Variants in DENND1B observed in about 807,000 individuals in gnomAD.
DENND1B encodes the protein DENN domain-containing protein 1B.
DENND1B carries 59 observed loss-of-function variants against 90.1 expected under a neutral mutation model. The observed-to-expected ratio is 0.65, with a 90% CI of 0.53 to 0.81. The LOEUF (loss-of-function observed/expected upper bound fraction) is 0.81. DENND1B is among the 40% of genes least tolerant of loss of function. The pLI is 0.00. For missense variants in DENND1B, 862 were observed against 912.6 expected (o/e 0.94, Z 0.71); for synonymous variants, 337 against 324.6 (o/e 1.04, Z -0.41).
At chr1:197,620,328 GTATA>G (rs1187118332) in intron 10 of DENND1B, among the ~76,000 whole-genome samples, 1 of 151,370 alleles carries the variant, frequency 6.6e-6, no homozygotes, top group African/African-American at 2.4e-5. Context: ...ATCATAACAT[GTATA>G]TTACAGACAC....
chr1:197,695,038 T>C (rs1658288458), intron 3 of DENND1B, among the ~76,000 whole-genome samples: 1 of 151,258 alleles, frequency 6.6e-6, no homozygotes, highest in Admixed American at 6.6e-5. Context: ...CAAATTAGTT[T>C]CCCTGTTTGC....
chr1:197,645,610 T>C lies in DENND1B; in HGVS notation c.561+80A>G, dbSNP rs115034810. The C allele has an allele frequency of 8.2e-4, 613 of 745,648 alleles. 2 individuals are homozygous for C. In the African/African-American group the frequency reaches 0.01, roughly 13 times the overall value. The allele number at this position is 745,648 out of a possible 1,614,324, so 46.2% of individuals were successfully genotyped here. ...TTACAATGTATCCTATTTCTCTATA[T>C]AAAAACGCATAAACAGTGAGACCAA... On this transcript the variant is annotated intron_variant, in intron 9 of 22. Transcript: ENST00000620048.
intron 11 of DENND1B, among the ~76,000 whole-genome samples, chr1:197,613,947 T>C (rs746961124): frequency 1.3e-5 from 2 of 150,906 alleles, no homozygotes; most frequent in African/African-American, 2.4e-5. Flanking sequence ...ATTTTACAAA[T>C]GTTGGTGGGA....
intron 10 of DENND1B, among the ~76,000 whole-genome samples, chr1:197,618,199 A>C (rs1340237390): frequency 6.6e-6 from 1 of 151,208 alleles, no homozygotes; most frequent in African/African-American, 2.4e-5. Flanking sequence ...AAATTGCCAA[A>C]GAATGAAACA....
rs1054508516 is a variant in DENND1B, at chr1:197,505,413, T to C, written c.*5047A>G. 12 of 151,640 alleles carry C rather than the reference T, an allele frequency of 7.9e-5. No individual in the cohort carries two copies. Among genetic ancestry groups the C allele is most frequent in the African/African-American group, 2.7e-4 (11 of 41,374 alleles). 9.4% of individuals were successfully genotyped at this position (151,640 alleles called of 1,614,324 possible). ...ATGAAATAACAGAGATGAATAGACT[T>C]ATAGGTTCATCATATCAAAGAAGTA... On this transcript the variant is annotated 3_prime_UTR_variant, in exon 23 of 23. Coordinates refer to ENST00000620048, the MANE Select transcript of DENND1B (RefSeq NM_001195215.2).
chr1:197,763,018 A>G (rs1655282032), intron 2 of DENND1B, among the ~76,000 whole-genome samples: 1 of 152,196 alleles, frequency 6.6e-6, no homozygotes, highest in African/African-American at 2.4e-5. Flanking sequence ...ACCACCTTGT[A>G]AAGACATCTG....
Position 197,512,950 on chromosome 1 carries a change from G to T in DENND1B, c.1519C>A (p.Arg507Ser), listed in dbSNP as rs144900954. The T allele has an allele frequency of 1.2e-6, 2 of 1,606,072 alleles. No individual in the cohort carries two copies. The highest frequency in any genetic ancestry group is 2.2e-5 in the South Asian group (2 of 89,954). ...AGGCTCTTAAGAGGCCTTTTTAAGC[G>T]TGCCTGGAGAGAGAGATTGACAATA... Reference protein sequence around the residue: ...NSEKRKLAQARLKRPLKSLDG... With the variant: ...NSEKRKLAQASLKRPLKSLDG... The change falls in exon 21 of 23, where the codon CGC becomes AGC. Residue 507 changes from arginine (R) to serine (S), a missense_variant. Arg to Ser is a moderately radical substitution (Grantham distance 110). Transcript: ENST00000620048.
At chr1:197,550,371 C>A (rs903272857) in intron 16 of DENND1B, among the ~76,000 whole-genome samples, 1 of 151,914 alleles carries the variant, frequency 6.6e-6, no homozygotes, top group African/African-American at 2.4e-5. Flanking sequence ...GGCTGTGTGA[C>A]CTTGAGTAAA....
At chr1:197,662,892 A>T (rs1049672393) in intron 5 of DENND1B, among the ~76,000 whole-genome samples, 1 of 152,022 alleles carries the variant, frequency 6.6e-6, no homozygotes, top group African/African-American at 2.4e-5. Flanking sequence ...ATGACTTTTA[A>T]ATTATAGTTT....
At chr1:197,561,993 C>A (rs1449322354) in intron 15 of DENND1B, among the ~76,000 whole-genome samples, 1 of 151,748 alleles carries the variant, frequency 6.6e-6, no homozygotes, top group Non-Finnish European at 1.5e-5. Flanking sequence ...TTTGGCCACC[C>A]CACAGGATAC....
At chr1:197,651,706 A>T (rs1405819941) in intron 7 of DENND1B, among the ~76,000 whole-genome samples, 3 of 113,854 alleles carry the variant, frequency 2.6e-5, no homozygotes, top group Non-Finnish European at 4.8e-5. Context: ...CCCAGGCTGG[A>T]GTGCAGTAAC....
At chr1:197,719,046 A>T (rs1660910011) in intron 2 of DENND1B, among the ~76,000 whole-genome samples, 1 of 152,138 alleles carries the variant, frequency 6.6e-6, no homozygotes, top group African/African-American at 2.4e-5. Flanking sequence ...TGATGACTGA[A>T]GAATGGCAAC....
intron 2 of DENND1B, 127 bp from the exon 3 acceptor site, chr1:197,715,201 A>C (rs781382840): frequency 1.2e-4 from 72 of 620,946 alleles, no homozygotes; most frequent in Non-Finnish European, 1.9e-4. Flanking sequence ...TTCTTTAAAC[A>C]TTTATAGTTG....
chr1:197,554,100 T>TACACACACACAC (rs4026509), intron 15 of DENND1B, among the ~76,000 whole-genome samples: 6 of 139,986 alleles, frequency 4.3e-5, no homozygotes, highest in Admixed American at 1.4e-4. Context: ...TCAATGATTA[T>TACACACACACAC]ACACACACAC....
chr1:197,609,027 C>A (rs1353376762), intron 12 of DENND1B, among the ~76,000 whole-genome samples: 1 of 149,604 alleles, frequency 6.7e-6, no homozygotes, highest in Admixed American at 6.7e-5. Flanking sequence ...TTTTTCCCTC[C>A]AAATTAGACT....
At chr1:197,644,687 TA>T (rs1680578913) in intron 9 of DENND1B, among the ~76,000 whole-genome samples, 1 of 152,182 alleles carries the variant, frequency 6.6e-6, no homozygotes, top group Non-Finnish European at 1.5e-5. Flanking sequence ...AAGCTTTTCA[TA>T]AGGGTTTTTT....
chr1:197,539,712 G>T (rs941978756), intron 20 of DENND1B, among the ~76,000 whole-genome samples: 3 of 152,082 alleles, frequency 2.0e-5, no homozygotes, highest in Non-Finnish European at 2.9e-5. Context: ...ACATTCAATT[G>T]TCTTTTCCTT....
At chr1:197,513,691 T>G (rs1202796322) in intron 20 of DENND1B, among the ~76,000 whole-genome samples, 1 of 151,626 alleles carries the variant, frequency 6.6e-6, no homozygotes. Context: ...CTTATAGTAC[T>G]CAGGCCATAT....
chr1:197,561,369 G>C (rs1040860827), intron 15 of DENND1B, among the ~76,000 whole-genome samples: 8 of 151,698 alleles, frequency 5.3e-5, no homozygotes, highest in African/African-American at 1.9e-4. Context: ...TCCCTCTTTG[G>C]TATTCTTGTT....
Sources: gnomAD v4.1 joint callset for allele counts (sites outside exome capture counted in the v4.1 genomes callset) on GRCh38, gnomAD v4.1.1 for gene constraint, MANE v1.5 for transcripts, NCBI Gene and HGNC (gene_info 2026-07-23, HGNC 2026-07-21) for gene names.